Variants in UBR3 observed in about 807,000 individuals in gnomAD.
The protein encoded by UBR3 is ubiquitin protein ligase E3 component n-recognin 3, also known as E3 ubiquitin-protein ligase UBR3.
UBR3 carries 85 observed loss-of-function variants against 243.2 expected under a neutral mutation model. That is an observed-to-expected ratio of 0.35 (90% CI 0.29 to 0.42). The LOEUF (loss-of-function observed/expected upper bound fraction) is 0.42, where lower values mean the gene tolerates loss of function less well. UBR3 is among the 10% of genes least tolerant of loss of function. The pLI is 1.00. For synonymous variants in UBR3, 748 were observed against 799.8 expected (o/e 0.94, Z 1.09); for missense variants, 1,686 against 2,300.8 (o/e 0.73, Z 5.47).
intron 23 of UBR3, among the ~76,000 whole-genome samples, chr2:169,951,356 C>G (rs938800073): frequency 1.3e-5 from 2 of 152,132 alleles, no homozygotes; most frequent in Non-Finnish European, 2.9e-5. Flanking sequence ...TGGAAGCAAG[C>G]CTAAGATGGA....
At chr2:169,830,095 T>G (rs2081885912) in intron 1 of UBR3, among the ~76,000 whole-genome samples, 1 of 152,262 alleles carries the variant, frequency 6.6e-6, no homozygotes, top group South Asian at 2.1e-4. Context: ...TTCCATGTTT[T>G]CAATTTGCCA....
At chr2:169,985,600 T>G (rs1024269798) in intron 24 of UBR3, among the ~76,000 whole-genome samples, 2 of 152,140 alleles carry the variant, frequency 1.3e-5, no homozygotes, top group African/African-American at 2.4e-5. Context: ...GACCTACTAG[T>G]GTATTTTCCT....
intron 35 of UBR3, among the ~76,000 whole-genome samples, chr2:170,067,473 A>G (rs1417248316): frequency 6.6e-6 from 1 of 152,214 alleles, no homozygotes; most frequent in East Asian, 1.9e-4. Flanking sequence ...GAGCAAATCA[A>G]CTAGGATAAA....
At chr2:169,881,740 A>G (rs2083843271) in intron 5 of UBR3, among the ~76,000 whole-genome samples, 1 of 138,686 alleles carries the variant, frequency 7.2e-6, no homozygotes, top group African/African-American at 2.7e-5. Flanking sequence ...TATATATTAT[A>G]TAATATATAT....
chr2:169,967,982 C>T (rs1027382631), intron 24 of UBR3, among the ~76,000 whole-genome samples: 20 of 151,800 alleles, frequency 1.3e-4, no homozygotes, highest in South Asian at 2.1e-4. Flanking sequence ...GTACACTTTC[C>T]CTACCTTGCT....
chr2:169,908,267 T>TA (rs1334284998), intron 10 of UBR3, among the ~76,000 whole-genome samples: 1 of 152,228 alleles, frequency 6.6e-6, no homozygotes, highest in Non-Finnish European at 1.5e-5. Flanking sequence ...ATTCATTTGA[T>TA]ATGCAGTGGG....
Position 169,946,320 on chromosome 2 carries a change from T to G in UBR3, c.2838T>G (p.His946Gln), listed in dbSNP as rs868844469. The G allele has an allele frequency of 5.3e-6, 8 of 1,517,224 alleles. 2 individuals are homozygous for G. In the Middle Eastern group the frequency reaches 1.4e-3, roughly 263 times the overall value. The allele number at this position is 1,517,224 out of a possible 1,614,324, so 94.0% of individuals were successfully genotyped here. ...TGGATCATCAAAATCTGTCAGAACATGTACTCTGCATGGTTTTATATCTGA... is the reference window on the plus strand; with the variant it reads ...TGGATCATCAAAATCTGTCAGAACAGGTACTCTGCATGGTTTTATATCTGA... ...ILMDHQNLSEHVLCMVLYLIE... is the reference protein window; with the variant it reads ...ILMDHQNLSEQVLCMVLYLIE... The change falls in exon 21 of 39, where the codon CAT (histidine) becomes CAG (glutamine). Residue 946 changes from histidine (H) to glutamine (Q), a missense_variant. His to Gln is a conservative substitution (Grantham distance 24). Coordinates refer to ENST00000272793, the MANE Select transcript of UBR3 (RefSeq NM_172070.4).
chr2:169,949,006 T>C (rs1293848943), intron 22 of UBR3, among the ~76,000 whole-genome samples: 1 of 152,000 alleles, frequency 6.6e-6, no homozygotes, highest in Non-Finnish European at 1.5e-5. Flanking sequence ...TAATTTCATA[T>C]TAAAATTTAA....
At position 169,855,035 on chromosome 2, in the gene UBR3, T is replaced by C. The variant is rs145201642; in HGVS notation, c.546-17201T>C. Among the ~76,000 whole-genome samples the C allele has an allele frequency of 2.2e-4, 34 of 152,334 alleles. No individual in the cohort carries two copies. In the East Asian group the frequency reaches 5.6e-3, roughly 25 times the overall value. Reference sequence around the variant, plus strand: ...ATATTTTAATTGTTTCTTGAAACCATTGAAAATTATGGGAATTGCAGAATT... The same window carrying C: ...ATATTTTAATTGTTTCTTGAAACCACTGAAAATTATGGGAATTGCAGAATT... On this transcript the variant is annotated intron_variant, in intron 1 of 38. Transcript: ENST00000272793.
At position 169,878,592 on chromosome 2, in the gene UBR3, A is replaced by C; in HGVS notation, c.1038+18A>C. 2 of 1,545,932 alleles carry C rather than the reference A, an allele frequency of 1.3e-6. No individual in the cohort carries two copies. The highest frequency in any genetic ancestry group is 1.7e-6 in the Non-Finnish European group (2 of 1,144,282). On this transcript the variant is annotated intron_variant, in intron 5 of 38. Transcript: ENST00000272793. The stretch of plus-strand genomic sequence containing the variant: ...CAGATGAGGTGAGATTTAAAGTTCA[A>C]AACTTTTTAAAAAGTACAATTTTGT...
At chr2:169,963,780 A>T (rs2087685546) in intron 24 of UBR3, among the ~76,000 whole-genome samples, 1 of 152,184 alleles carries the variant, frequency 6.6e-6, no homozygotes, top group Non-Finnish European at 1.5e-5. Flanking sequence ...TACCAAAATG[A>T]GGTTTTACAA....
At position 169,881,959 on chromosome 2, in the gene UBR3, C is replaced by T. The variant is rs549221861; in HGVS notation, c.1038+3385C>T. The stretch of plus-strand genomic sequence containing the variant: ...TAATATAATTACATATGTATGTATA[C>T]ATACATATGTAATTATATTATATAT... On this transcript the variant is annotated intron_variant, in intron 5 of 38. Transcript: ENST00000272793. Among the ~76,000 whole-genome samples, 48 of 96,642 alleles carry T rather than the reference C, an allele frequency of 5.0e-4. No homozygotes were observed. The South Asian group carries it at 8.7e-3, about 17-fold the overall frequency. The allele number at this position is 96,642 out of a possible 152,430, so 63.4% of individuals were successfully genotyped here.
chr2:170,049,692 A>T (rs950008642), intron 32 of UBR3, among the ~76,000 whole-genome samples: 1 of 152,104 alleles, frequency 6.6e-6, no homozygotes, highest in Non-Finnish European at 1.5e-5. Flanking sequence ...AAGCCTTTCT[A>T]TTGGATATCC....
chr2:169,838,387 TTGTGTGTGTGTGTGTGTGTGTGTG>T lies in UBR3; in HGVS notation c.545+10373_545+10396del, dbSNP rs544974959. Among the ~76,000 whole-genome samples the T allele has an allele frequency of 5.8e-3, 662 of 114,484 alleles. 3 individuals are homozygous for T. Among genetic ancestry groups the T allele is most frequent in the African/African-American group, 0.019 (573 of 30,722 alleles). The allele number at this position is 114,484 out of a possible 152,430, so 75.1% of individuals were successfully genotyped here. ...GCTGGGAAGTCCAAGATTAAGGCATTTGTGTGTGTGTGTGTGTGTGTGTGTGTGTGTGTGTGTGTGTGTGTGTGT... is the reference window on the plus strand; with the variant it reads ...GCTGGGAAGTCCAAGATTAAGGCATTTGTGTGTGTGTGTGTGTGTGTGTGT... On this transcript the variant is annotated intron_variant, in intron 1 of 38. Coordinates refer to ENST00000272793, the MANE Select transcript of UBR3 (RefSeq NM_172070.4).
chr2:169,890,581 G>GTATATATATATATATATGTA (rs1207236594), intron 5 of UBR3, among the ~76,000 whole-genome samples: 2 of 96,528 alleles, frequency 2.1e-5, no homozygotes, highest in African/African-American at 9.9e-5. Flanking sequence ...ATATATATAT[G>GTATATATATATATATATGTA]TATATATATA....
chr2:169,858,401 A>T (rs2082966082), intron 1 of UBR3, among the ~76,000 whole-genome samples: 1 of 151,942 alleles, frequency 6.6e-6, no homozygotes, highest in South Asian at 2.1e-4. Context: ...ATTTTTTAAG[A>T]GACTGGGTGT....
At chr2:170,046,433 T>C (rs189950516) in intron 32 of UBR3, among the ~76,000 whole-genome samples, 272 of 152,298 alleles carry the variant, frequency 1.8e-3, no homozygotes, top group African/African-American at 6.2e-3. Flanking sequence ...CTTTAGAACT[T>C]ACCATAGTCT....
At chr2:169,945,058 T>C (rs1167570999) in intron 20 of UBR3, among the ~76,000 whole-genome samples, 1 of 152,134 alleles carries the variant, frequency 6.6e-6, no homozygotes, top group East Asian at 1.9e-4. Context: ...TGCTAGACAC[T>C]ATACAAAGCA....
intron 1 of UBR3, among the ~76,000 whole-genome samples, chr2:169,833,008 C>T (rs190093505): frequency 4.6e-4 from 70 of 152,212 alleles, no homozygotes; most frequent in African/African-American, 1.5e-3. Flanking sequence ...AAAATACACT[C>T]GTTCCTCAGT....
Sources: gnomAD v4.1 joint callset for allele counts (sites outside exome capture counted in the v4.1 genomes callset) on GRCh38, gnomAD v4.1.1 for gene constraint, MANE v1.5 for transcripts, NCBI Gene and HGNC (gene_info 2026-07-23, HGNC 2026-07-21) for gene names.